ZNF718: variants seen among roughly 807,000 people sequenced by gnomAD.
The protein encoded by ZNF718 is zinc finger protein 718.
Under a neutral mutation model 2.6 loss-of-function variants are expected in ZNF718, and 3 were observed. The observed-to-expected ratio is 1.16, with a 90% CI of 0.53 to 3.01. ZNF718 has a LOEUF of 3.01. Among genes scored for constraint, ZNF718 ranks in the 30% most tolerant of loss-of-function variants. The probability of loss-of-function intolerance (pLI) is 0.03; values close to 1 mark genes in which losing one functional copy is unlikely to be tolerated. For missense variants in ZNF718, 468 were observed against 230.0 expected (o/e 2.03, Z -6.69); for synonymous variants, 135 against 77.9 (o/e 1.73, Z -3.86).
rs1287248970 is a variant in ZNF718 at position 163,224 on chromosome 4, C to A, written c.*1102C>A. The A allele has an allele frequency of 6.7e-6, 1 of 150,236 alleles. No homozygotes were observed. The highest frequency in any genetic ancestry group is 1.5e-5 in the Non-Finnish European group (1 of 67,838). 9.3% of individuals were successfully genotyped at this position (150,236 alleles called of 1,614,324 possible). ...TTTTTGAGACGGAGTCTCGCTCTGTCGCCCAGGCTGGAGTGCAGTGGCGGG... is the reference window on the plus strand; with the variant it reads ...TTTTTGAGACGGAGTCTCGCTCTGTAGCCCAGGCTGGAGTGCAGTGGCGGG... On this transcript the variant is annotated 3_prime_UTR_variant, in exon 4 of 4. Transcript: ENST00000510175.
chr4:185,056 T>C (rs903387705), intron 3 of ZNF718, among the ~76,000 whole-genome samples: 11 of 152,194 alleles, frequency 7.2e-5, no homozygotes, highest in Non-Finnish European at 1.5e-4. Flanking sequence ...TGGGGTTTGT[T>C]TGCTCTTGGT....
intron 3 of ZNF718, among the ~76,000 whole-genome samples, chr4:177,942 G>A (rs146396505): frequency 3.9e-4 from 60 of 152,060 alleles, no homozygotes; most frequent in African/African-American, 1.1e-3. Flanking sequence ...AAGACAACCC[G>A]AAACATGTAT....
At chr4:156,514 T>C (rs1360415428) in intron 3 of ZNF718, among the ~76,000 whole-genome samples, 2 of 152,146 alleles carry the variant, frequency 1.3e-5, no homozygotes, top group East Asian at 3.8e-4. Context: ...GACTTTACAA[T>C]CTTAAATATT....
At chr4:170,671 G>A (rs1185203117) in intron 3 of ZNF718, among the ~76,000 whole-genome samples, 2 of 152,080 alleles carry the variant, frequency 1.3e-5, no homozygotes, top group African/African-American at 4.8e-5. Context: ...TCGTCATGTA[G>A]TTCTCATGCC....
At chr4:195,256 C>A (rs1248248788) in intron 3 of ZNF718, among the ~76,000 whole-genome samples, 2 of 152,194 alleles carry the variant, frequency 1.3e-5, no homozygotes, top group Non-Finnish European at 2.9e-5. Flanking sequence ...TACTTTAAGG[C>A]TTGGCTGAGT....
chr4:151,855 C>T (rs1391142667), intron 3 of ZNF718, among the ~76,000 whole-genome samples: 2 of 150,170 alleles, frequency 1.3e-5, no homozygotes, highest in South Asian at 2.1e-4. Flanking sequence ...TAAGGGGACC[C>T]GGGGAACCAG....
rs1425507147 is a variant in ZNF718 at position 171,118 on chromosome 4, C to T, written c.227-29963C>T. On this transcript the variant is annotated intron_variant and NMD_transcript_variant, in intron 3 of 4. Transcript: ENST00000642529. ...GAGTTTGCTGGAGGTCCACTCCAGA[C>T]CCTCTTTGCCTGGGTATCAGCAGCA... 2.0e-5 allele frequency among the ~76,000 whole-genome samples: 3 copies of T among 152,180 alleles called. No individual in the cohort carries two copies. The East Asian group carries it at 5.8e-4, about 29-fold the overall frequency.
chr4:165,740 A>C (rs1717070594), downstream of ZNF718, among the ~76,000 whole-genome samples: 1 of 152,208 alleles, frequency 6.6e-6, no homozygotes, highest in Non-Finnish European at 1.5e-5. Flanking sequence ...TGGAGGTTGC[A>C]GTGAGCTGAG....
chr4:135,893 G>A (rs1715550282), intron 3 of ZNF718, among the ~76,000 whole-genome samples: 1 of 151,934 alleles, frequency 6.6e-6, no homozygotes, highest in Non-Finnish European at 1.5e-5. Context: ...CAGGCCTGCA[G>A]ATCTTGGCCT....
chr4:129,358 C>A lies in ZNF718; in HGVS notation c.4-1430C>A, dbSNP rs1227179299. On this transcript the variant is annotated intron_variant, in intron 1 of 3. Coordinates refer to ENST00000510175, the MANE Select transcript of ZNF718 (RefSeq NM_001039127.6). ...TACTTACGGGCATAGAGAGCAGATG[C>A]CTAGGGCCCACCTTCTGTCCCAGTT... 1.4e-4 allele frequency among the ~76,000 whole-genome samples: 15 copies of A among 103,474 alleles called. 4 individuals are homozygous for A. The highest frequency in any genetic ancestry group is 4.0e-4 in the African/African-American group (12 of 29,778). 67.9% of individuals were successfully genotyped at this position (103,474 alleles called of 152,430 possible). A position where few individuals can be genotyped will look rare whatever the true frequency, so the allele number is the denominator to read the frequency against.
At chr4:200,247 T>G (rs7669268) in intron 3 of ZNF718, among the ~76,000 whole-genome samples, 150,829 of 152,240 alleles carry the variant, frequency 0.99, 74,722 homozygotes, top group Non-Finnish European at 1. Context: ...AGGTTTTTTT[T>G]TTTGTTTGTT....
At chr4:189,262 G>T (rs782303529) in intron 3 of ZNF718, among the ~76,000 whole-genome samples, 6 of 151,468 alleles carry the variant, frequency 4.0e-5, no homozygotes, top group Non-Finnish European at 7.4e-5. Flanking sequence ...TGATCATAAC[G>T]TTTCTTATTG....
chr4:193,602 A>G (rs186570465), intron 3 of ZNF718, among the ~76,000 whole-genome samples: 4 of 152,284 alleles, frequency 2.6e-5, no homozygotes, highest in Non-Finnish European at 4.4e-5. Flanking sequence ...TCAGAGAAGT[A>G]TCTAGTGACT....
At chr4:164,614 T>C (rs1429503115), downstream of ZNF718, among the ~76,000 whole-genome samples, 1 of 152,174 alleles carries the variant, frequency 6.6e-6, no homozygotes, top group Non-Finnish European at 1.5e-5. Context: ...GAATGATTTT[T>C]ATAAAATTTA....
At chr4:181,968 A>G (rs1416988453) in intron 3 of ZNF718, among the ~76,000 whole-genome samples, 1 of 152,172 alleles carries the variant, frequency 6.6e-6, no homozygotes, top group African/African-American at 2.4e-5. Flanking sequence ...TTCTAGATCT[A>G]TCCATGTCAC....
chr4:137,208 C>G (rs1715607037), intron 3 of ZNF718, among the ~76,000 whole-genome samples: 1 of 152,026 alleles, frequency 6.6e-6, no homozygotes, highest in Non-Finnish European at 1.5e-5. Context: ...TCCTGTACAG[C>G]CTGCAGAACC....
chr4:156,188 A>G (rs1553813631), intron 3 of ZNF718, among the ~76,000 whole-genome samples: 1 of 152,192 alleles, frequency 6.6e-6, no homozygotes, highest in East Asian at 1.9e-4. Context: ...ACTAATACAG[A>G]CAGTGTGGAG....
At chr4:140,643 A>G (rs1368521178) in intron 3 of ZNF718, among the ~76,000 whole-genome samples, 1 of 152,120 alleles carries the variant, frequency 6.6e-6, no homozygotes, top group African/African-American at 2.4e-5. Flanking sequence ...TGGATTATCT[A>G]CTGGGGCAAA....
intron 3 of ZNF718, among the ~76,000 whole-genome samples, chr4:188,951 T>G (rs1553820762): frequency 1.7e-4 from 22 of 131,486 alleles, no homozygotes; most frequent in Non-Finnish European, 1.7e-5. Context: ...AAGTCTCATG[T>G]GTGTTTGATT....
Sources: allele counts gnomAD v4.1 joint callset (sites outside exome capture counted in the v4.1 genomes callset), GRCh38; gene constraint gnomAD v4.1.1; transcripts MANE v1.5; gene names NCBI Gene and HGNC (gene_info 2026-07-23, HGNC 2026-07-21).